Variants in ZFPM2 observed in about 807,000 individuals in gnomAD.
ZFPM2 encodes zinc finger protein ZFPM2.
In ZFPM2, 20 loss-of-function variants were observed where a neutral mutation model predicts 98.6. The ratio of observed to expected loss-of-function variants is 0.20; its 90% CI spans 0.14 to 0.29. The LOEUF (loss-of-function observed/expected upper bound fraction) is 0.29. Among genes scored for constraint, ZFPM2 ranks in the 10% least tolerant of loss-of-function variants. The pLI, the probability that ZFPM2 is intolerant of heterozygous loss-of-function variation, is 1.00. For missense variants in ZFPM2, 1,310 were observed against 1,388.6 expected (o/e 0.94, Z 0.90); for synonymous variants, 518 against 502.7 (o/e 1.03, Z -0.41).
intron 4 of ZFPM2, among the ~76,000 whole-genome samples, chr8:105,584,599 T>C (rs1448355534): frequency 6.6e-6 from 1 of 152,226 alleles, no homozygotes; most frequent in Non-Finnish European, 1.5e-5. Flanking sequence ...TCTTGTAGAA[T>C]AAGATAAGTC....
intron 4 of ZFPM2, among the ~76,000 whole-genome samples, chr8:105,574,692 A>G (rs1465276414): frequency 2.0e-5 from 3 of 151,876 alleles, no homozygotes; most frequent in Non-Finnish European, 2.9e-5. Flanking sequence ...AAGAAGTCAA[A>G]CAAATACCAT....
rs78136671 is a variant in ZFPM2, at chr8:105,571,257, G to A, written c.420+9776G>A. ...ATTTCATTGCTACTGTCATTTCTTC[G>A]TATTTGCCAAAAACAGAATCATGAA... On this transcript the variant is annotated intron_variant, in intron 4 of 7. Transcript: ENST00000407775. 1.2e-3 allele frequency among the ~76,000 whole-genome samples: 177 copies of A among 152,192 alleles called. 5 individuals carry two copies. In the East Asian group the frequency reaches 0.032, roughly 28 times the overall value.
At chr8:105,537,933 T>C (rs1814491366) in intron 3 of ZFPM2, among the ~76,000 whole-genome samples, 1 of 152,044 alleles carries the variant, frequency 6.6e-6, no homozygotes, top group South Asian at 2.1e-4. Flanking sequence ...GGTTTCACCA[T>C]GTTGGCCAGG....
At chr8:105,732,124 CA>C (rs1323103239) in intron 5 of ZFPM2, among the ~76,000 whole-genome samples, 1 of 151,650 alleles carries the variant, frequency 6.6e-6, no homozygotes. Context: ...CTGCCTACAA[CA>C]AAAATGGCAG....
At position 105,380,646 on chromosome 8, in the gene ZFPM2, T is replaced by A. The variant is rs1253631367; in HGVS notation, c.41-38498T>A. On this transcript the variant is annotated intron_variant, in intron 1 of 7. Transcript: ENST00000407775. ...TATAACATATATATTATATATATAT[T>A]ATATATATATATTATATATAACATA... Among the ~76,000 whole-genome samples, 78 of 12,726 alleles carry A rather than the reference T, an allele frequency of 6.1e-3. 1 individual carries two copies. Among genetic ancestry groups the A allele is most frequent in the South Asian group, 0.012 (7 of 588 alleles). 8.3% of individuals were successfully genotyped at this position (12,726 alleles called of 152,430 possible). A position where few individuals can be genotyped will look rare whatever the true frequency, so the allele number is the denominator to read the frequency against.
At chr8:105,500,868 T>C (rs944952507) in intron 3 of ZFPM2, among the ~76,000 whole-genome samples, 7 of 152,134 alleles carry the variant, frequency 4.6e-5, no homozygotes, top group African/African-American at 1.7e-4. Flanking sequence ...TATGTAGATG[T>C]CTAGTACCTT....
intron 1 of ZFPM2, among the ~76,000 whole-genome samples, chr8:105,342,063 T>A (rs1441138134): frequency 6.6e-6 from 1 of 152,036 alleles, no homozygotes; most frequent in Non-Finnish European, 1.5e-5. Flanking sequence ...TTCTGAAGAT[T>A]TCTAATATGT....
At chr8:105,646,886 G>T (rs1229482660) in intron 5 of ZFPM2, among the ~76,000 whole-genome samples, 5 of 152,106 alleles carry the variant, frequency 3.3e-5, no homozygotes, top group Admixed American at 3.3e-4. Context: ...TGCTGAGCCT[G>T]TGCCCCTGGA....
At chr8:105,658,691 G>C (rs1180813806) in intron 5 of ZFPM2, among the ~76,000 whole-genome samples, 7 of 150,978 alleles carry the variant, frequency 4.6e-5, no homozygotes, top group Non-Finnish European at 8.8e-5. Flanking sequence ...TAACCAAAGT[G>C]ATCCAAAGAT....
intron 1 of ZFPM2, among the ~76,000 whole-genome samples, chr8:105,372,052 A>T (rs1447221787): frequency 3.4e-5 from 5 of 145,106 alleles, no homozygotes; most frequent in African/African-American, 1.3e-4. Flanking sequence ...TTATTATTTT[A>T]TTTTTTTTGA....
rs371092927 is a variant in ZFPM2, at chr8:105,696,865, C to T, written c.532+62508C>T. Among the ~76,000 whole-genome samples, 11 of 152,192 alleles carry T rather than the reference C, an allele frequency of 7.2e-5. No homozygotes were observed. The East Asian group carries it at 1.4e-3, about 19-fold the overall frequency. On this transcript the variant is annotated intron_variant, in intron 5 of 7. Transcript: ENST00000407775. Reference sequence around the variant, plus strand: ...TGTTATTCTACTTAGTGATCTAGCTCACCTGAATCTGTTTGAAACTGATAA... The same window carrying T: ...TGTTATTCTACTTAGTGATCTAGCTTACCTGAATCTGTTTGAAACTGATAA...
chr8:105,601,337 G>A lies in ZFPM2; in HGVS notation c.421-32909G>A, dbSNP rs141386734. Among the ~76,000 whole-genome samples the A allele has an allele frequency of 1.6e-4, 24 of 152,170 alleles. No homozygotes were observed. In the East Asian group the frequency reaches 4.7e-3, roughly 30 times the overall value. On this transcript the variant is annotated intron_variant, in intron 4 of 7. Transcript: ENST00000407775. The stretch of plus-strand genomic sequence containing the variant: ...CAGTGACTAGTGCCATTATTGCCTG[G>A]GAAAGTCTGTAAGGGGACTCCAGAG...
intron 1 of ZFPM2, among the ~76,000 whole-genome samples, chr8:105,343,540 A>G (rs1175692817): frequency 6.6e-6 from 1 of 152,194 alleles, no homozygotes; most frequent in Non-Finnish European, 1.5e-5. Context: ...TCAGAAGGAA[A>G]TAATTCCAGA....
intron 3 of ZFPM2, among the ~76,000 whole-genome samples, chr8:105,512,877 T>G (rs1465888794): frequency 6.6e-6 from 1 of 151,906 alleles, no homozygotes; most frequent in African/African-American, 2.4e-5. Context: ...AATACATGTA[T>G]GTATATGTGT....
chr8:105,402,057 C>A (rs1342623516), intron 1 of ZFPM2, among the ~76,000 whole-genome samples: 1 of 151,888 alleles, frequency 6.6e-6, no homozygotes, highest in South Asian at 2.1e-4. Context: ...TTAATATTCT[C>A]CACTCAATAT....
chr8:105,459,134 T>C (rs986179206), intron 3 of ZFPM2, among the ~76,000 whole-genome samples: 39 of 152,296 alleles, frequency 2.6e-4, no homozygotes, highest in African/African-American at 8.7e-4. Context: ...AGTGCAGTGG[T>C]GCAACCACAG....
chr8:105,454,532 A>T (rs753157905), intron 3 of ZFPM2, among the ~76,000 whole-genome samples: 5 of 152,194 alleles, frequency 3.3e-5, no homozygotes, highest in African/African-American at 4.8e-5. Context: ...ACTTGCAGTG[A>T]TAGTACCGTG....
intron 1 of ZFPM2, among the ~76,000 whole-genome samples, chr8:105,325,169 A>G (rs1812092482): frequency 6.6e-6 from 1 of 151,904 alleles, no homozygotes; most frequent in South Asian, 2.1e-4. Context: ...AACGAATAGC[A>G]GCAAAAGTCT....
In ZFPM2 at chr8:105,744,177, G is replaced by A. The variant is rs142313388; in HGVS notation, c.533-44541G>A. On this transcript the variant is annotated intron_variant, in intron 5 of 7. Coordinates refer to ENST00000407775, the MANE Select transcript of ZFPM2 (RefSeq NM_012082.4). Reference sequence around the variant, plus strand: ...AAAGAGCTTGGATTGGGTCCATGGAGGAACTCTGTTTTCCTCTCTCTCAAC... The same window carrying A: ...AAAGAGCTTGGATTGGGTCCATGGAAGAACTCTGTTTTCCTCTCTCTCAAC... 5.3e-5 allele frequency among the ~76,000 whole-genome samples: 8 copies of A among 152,138 alleles called. No homozygotes were observed. In the East Asian group the frequency reaches 1.6e-3, roughly 30 times the overall value.
Sources: allele counts gnomAD v4.1 joint callset (sites outside exome capture counted in the v4.1 genomes callset), GRCh38; gene constraint gnomAD v4.1.1; transcripts MANE v1.5; gene names NCBI Gene and HGNC (gene_info 2026-07-23, HGNC 2026-07-21).